Variants in IQCM observed in about 807,000 individuals in gnomAD.
IQCM encodes IQ domain-containing protein M.
Under a neutral mutation model 57.6 loss-of-function variants are expected in IQCM, and 45 were observed. The observed-to-expected ratio is 0.78, with a 90% CI of 0.62 to 1.00. IQCM has a LOEUF of 1.00. Ranked by LOEUF, IQCM falls within the 50% of genes least tolerant of loss-of-function variation. The probability of loss-of-function intolerance (pLI) is 0.00; values close to 1 mark genes in which losing one functional copy is unlikely to be tolerated. For missense variants in IQCM, 468 were observed against 511.6 expected, an observed-to-expected ratio of 0.91 and a Z score of 0.82; for synonymous variants, 148 against 158.9, an observed-to-expected ratio of 0.93 and a Z score of 0.51.
intron 13 of IQCM, among the ~76,000 whole-genome samples, chr4:149,379,018 C>T (rs993177839): frequency 1.3e-5 from 2 of 152,192 alleles, no homozygotes; most frequent in African/African-American, 2.4e-5. Flanking sequence ...TGGGCCATGG[C>T]TTCAGAGGGT....
rs1193048440 is a variant in IQCM, at chr4:149,661,037, G to T, written c.565+21081C>A. ...TAAAAATAAAAAAATAAAGATAAATGGGTATCTTTGTCTTGTTTCCAATCT... is the reference window on the plus strand; with the variant it reads ...TAAAAATAAAAAAATAAAGATAAATTGGTATCTTTGTCTTGTTTCCAATCT... On this transcript the variant is annotated intron_variant, in intron 7 of 13. Coordinates refer to ENST00000636793, the MANE Select transcript of IQCM (RefSeq NM_001363507.2). 3.3e-5 allele frequency among the ~76,000 whole-genome samples: 5 copies of T among 151,874 alleles called. No homozygotes were observed. The East Asian group carries it at 7.8e-4, about 24-fold the overall frequency.
chr4:149,448,793 G>A (rs1179948412), intron 12 of IQCM, among the ~76,000 whole-genome samples: 4 of 151,674 alleles, frequency 2.6e-5, no homozygotes, highest in African/African-American at 9.7e-5. Flanking sequence ...GGAGAAATGG[G>A]AAAGCTGTAC....
intron 2 of IQCM, among the ~76,000 whole-genome samples, chr4:149,808,739 A>C (rs1045294743): frequency 6.6e-6 from 1 of 152,158 alleles, no homozygotes; most frequent in Non-Finnish European, 1.5e-5. Context: ...AACTTGGGAG[A>C]GGAATCTTGA....
chr4:149,453,556 A>G (rs1254072857), intron 12 of IQCM, among the ~76,000 whole-genome samples: 1 of 151,882 alleles, frequency 6.6e-6, no homozygotes, highest in African/African-American at 2.4e-5. Context: ...TAATGGGCAA[A>G]TTATTTGAAT....
intron 12 of IQCM, among the ~76,000 whole-genome samples, chr4:149,489,051 T>C (rs1347425099): frequency 2.6e-5 from 4 of 152,124 alleles, no homozygotes; most frequent in African/African-American, 9.7e-5. Flanking sequence ...CTCTTCAAAG[T>C]CATTTGGAAC....
chr4:149,593,314 G>A (rs574460458), intron 8 of IQCM, among the ~76,000 whole-genome samples: 1 of 152,256 alleles, frequency 6.6e-6, no homozygotes, highest in East Asian at 1.9e-4. Flanking sequence ...TTTGTATCCT[G>A]AGACTTTGCT....
intron 13 of IQCM, among the ~76,000 whole-genome samples, chr4:149,422,729 C>A (rs1734198771): frequency 6.6e-6 from 1 of 152,006 alleles, no homozygotes; most frequent in Non-Finnish European, 1.5e-5. Flanking sequence ...CACTTAGCCT[C>A]TGTGCCCTCA....
chr4:149,751,695 A>G (rs1179173069), intron 2 of IQCM, among the ~76,000 whole-genome samples: 1 of 152,216 alleles, frequency 6.6e-6, no homozygotes, highest in Non-Finnish European at 1.5e-5. Context: ...GTAAGTACTC[A>G]TTTCCATATC....
chr4:149,670,945 T>G (rs1383008427), intron 7 of IQCM, among the ~76,000 whole-genome samples: 1 of 151,802 alleles, frequency 6.6e-6, no homozygotes, highest in African/African-American at 2.4e-5. Flanking sequence ...TCTCTCTTTT[T>G]TTTTTTTTTG....
chr4:149,471,032 G>C (rs1739471288), intron 12 of IQCM, among the ~76,000 whole-genome samples: 1 of 152,042 alleles, frequency 6.6e-6, no homozygotes, highest in Non-Finnish European at 1.5e-5. Context: ...ATCTAAAATT[G>C]ACACCCTAAC....
chr4:149,632,424 C>A (rs975640749), intron 7 of IQCM, among the ~76,000 whole-genome samples: 1 of 152,116 alleles, frequency 6.6e-6, no homozygotes, highest in African/African-American at 2.4e-5. Context: ...ATTCAATGAG[C>A]TAGCCTTTTT....
At chr4:149,686,247 C>A (rs572272835) in intron 6 of IQCM, 131 bp downstream of exon 6, 2 of 411,738 alleles carry the variant, frequency 4.9e-6, no homozygotes, top group Non-Finnish European at 4.1e-6. Flanking sequence ...GGAACTCAAG[C>A]GGAACAATAA....
chr4:149,530,796 C>T (rs1391174053), intron 12 of IQCM, among the ~76,000 whole-genome samples: 1 of 1,110 alleles, frequency 9.0e-4, no homozygotes, highest in Non-Finnish European at 4.5e-3. Context: ...GACACCCCCA[C>T]CCCCCCACCC....
At chr4:149,752,550 TAAA>T (rs35458090) in intron 2 of IQCM, among the ~76,000 whole-genome samples, 4 of 141,250 alleles carry the variant, frequency 2.8e-5, no homozygotes, top group South Asian at 2.3e-4. Context: ...GACTCTGTCT[TAAA>T]AAAAAAAAAA....
At chr4:149,777,661 C>T (rs1489900202) in intron 2 of IQCM, among the ~76,000 whole-genome samples, 1 of 152,200 alleles carries the variant, frequency 6.6e-6, no homozygotes, top group Admixed American at 6.5e-5. Context: ...AAAGGAAATA[C>T]CAACTTCTGC....
chr4:149,492,311 G>T (rs1007055176), intron 12 of IQCM, among the ~76,000 whole-genome samples: 1 of 152,074 alleles, frequency 6.6e-6, no homozygotes, highest in Admixed American at 6.6e-5. Context: ...GGTTACAGAA[G>T]TGGAAAGGGA....
At chr4:149,485,422 C>G (rs1480175688) in intron 12 of IQCM, among the ~76,000 whole-genome samples, 1 of 151,774 alleles carries the variant, frequency 6.6e-6, no homozygotes, top group African/African-American at 2.4e-5. Context: ...TTTGTCTCCT[C>G]TGACTGTGTA....
rs70965193 is a variant in IQCM, at chr4:149,582,307, CATATATATATATAT to C, written c.749+5609_749+5622del. Among the ~76,000 whole-genome samples the C allele has an allele frequency of 2.8e-3, 247 of 88,016 alleles. 2 individuals are homozygous for C. The highest frequency in any genetic ancestry group is 4.0e-3 in the African/African-American group (77 of 19,446). 57.7% of individuals were successfully genotyped at this position (88,016 alleles called of 152,430 possible). On this transcript the variant is annotated intron_variant, in intron 9 of 13. Coordinates refer to ENST00000636793, the MANE Select transcript of IQCM (RefSeq NM_001363507.2). ...GTCAATCCAATGAAGATGCTGTAGA[CATATATATATATAT>C]ATATATATATATATATATATATATA...
intron 12 of IQCM, among the ~76,000 whole-genome samples, chr4:149,532,638 A>C (rs1746870115): frequency 6.6e-6 from 1 of 152,058 alleles, no homozygotes; most frequent in South Asian, 2.1e-4. Flanking sequence ...CTAATTTTAA[A>C]GGAAAGTATG....
Sources: allele counts gnomAD v4.1 joint callset (sites outside exome capture counted in the v4.1 genomes callset), GRCh38; gene constraint gnomAD v4.1.1; transcripts MANE v1.5; gene names NCBI Gene and HGNC (gene_info 2026-07-23, HGNC 2026-07-21).